SRRM2: variants seen among roughly 807,000 people sequenced by gnomAD.
SRRM2 encodes serine/arginine repetitive matrix protein 2.
In SRRM2, 30 loss-of-function variants were observed where a neutral mutation model predicts 213.8. That is an observed-to-expected ratio of 0.14 (90% confidence interval 0.10 to 0.19). The LOEUF (loss-of-function observed/expected upper bound fraction) is 0.19. Among genes scored for constraint, SRRM2 ranks in the 10% least tolerant of loss-of-function variants. The probability of loss-of-function intolerance (pLI) is 1.00; values close to 1 mark genes in which losing one functional copy is unlikely to be tolerated. For missense variants in SRRM2, 4,904 were observed against 3,647.0 expected (o/e 1.34, Z -8.88); for synonymous variants, 2,025 against 1,377.7 (o/e 1.47, Z -10.40).
Position 2,764,359 on chromosome 16 carries a change from G to C in SRRM2, c.3831G>C (p.Arg1277Ser). 6.2e-7 allele frequency: 1 copy of C among 1,614,124 alleles called. No individual in the cohort carries two copies. Among genetic ancestry groups the C allele is most frequent in the South Asian group, 1.1e-5 (1 of 91,068 alleles). ...AATCATCTCCTGAAGTAGAAGAAAGGCCTGCTGTGTCTTTGACTCTTGATC... is the reference window on the plus strand; with the variant it reads ...AATCATCTCCTGAAGTAGAAGAAAGCCCTGCTGTGTCTTTGACTCTTGATC... ...NFESSPEVEE[R>S]PAVSLTLDQS... Residue 1277 changes from arginine to serine, a missense_variant, in exon 11 of 15, where the codon AGG becomes AGC. Arg to Ser is a moderately radical substitution (Grantham distance 110). Coordinates refer to ENST00000301740, the MANE Select transcript of SRRM2 (RefSeq NM_016333.4).
intron 1 of SRRM2, among the ~76,000 whole-genome samples, chr16:2,753,170 C>T (rs1482623000): frequency 2.6e-5 from 4 of 151,500 alleles, no homozygotes; most frequent in East Asian, 2.0e-4. Flanking sequence ...CCGAGGTGGC[C>T]TTCCTGCAGC....
chr16:2,761,709 C>T lies in SRRM2; in HGVS notation c.1181C>T (p.Pro394Leu), dbSNP rs763985969. 6 of 1,605,874 alleles carry T rather than the reference C, an allele frequency of 3.7e-6. No homozygotes were observed. The highest frequency in any genetic ancestry group is 3.4e-5 in the Admixed American group (2 of 59,002). Residue 394 changes from proline (P) to leucine (L), a missense_variant, in exon 11 of 15, where the codon CCA (proline) becomes CTA (leucine). Transcript: ENST00000301740. ...TPLSQEPVNP[P>L]SEASPTRDRS... is the part of the protein sequence containing the mutation. ...TTAAGCCAGGAGCCAGTGAACCCCC[C>T]ATCTGAGGCCTCTCCAACTCGGGAC...
Position 2,762,445 on chromosome 16 carries a change from A to C in SRRM2, c.1917A>C (p.Ser639=), listed in dbSNP as rs1190712696. 3.1e-6 allele frequency: 5 copies of C among 1,613,350 alleles called. No individual in the cohort carries two copies. Among genetic ancestry groups the C allele is most frequent in the Non-Finnish European group, 4.2e-6 (5 of 1,179,868 alleles). ...SPVRRRSRSR[S]PARRSGRSRS... is the part of the protein sequence containing the mutation. The stretch of plus-strand genomic sequence containing the variant: ...TACGACGCAGGTCTCGTAGTAGATC[A>C]CCAGCCAGGAGAAGTGGCAGGTCAC... Residue 639 remains serine (S), a synonymous_variant, in exon 11 of 15, where the codon TCA becomes TCC. Transcript: ENST00000301740.
chr16:2,763,931 C>G lies in SRRM2; in HGVS notation c.3403C>G (p.Gln1135Glu). The change falls in exon 11 of 15, where the codon CAG becomes GAG. Residue 1135 changes from glutamine to glutamate, a missense_variant. Gln to Glu is a conservative substitution (Grantham distance 29, BLOSUM62 2). Transcript: ENST00000301740. ...GTTGAAATCTGGAATGTCTCCTGAG[C>G]AGAGCAGGTTCCAGTCTGACTCTTC... ...PMLKSGMSPE[Q>E]SRFQSDSSSY... The G allele has an allele frequency of 6.2e-7, 1 of 1,614,182 alleles. No individual in the cohort carries two copies. The highest frequency in any genetic ancestry group is 8.5e-7 in the Non-Finnish European group (1 of 1,180,042).
rs1417093794 is a variant in SRRM2, at chr16:2,762,518, G to A, written c.1990G>A (p.Ala664Thr). 1.2e-6 allele frequency: 2 copies of A among 1,613,248 alleles called. No homozygotes were observed. Among genetic ancestry groups the A allele is most frequent in the Admixed American group, 3.3e-5 (2 of 59,972 alleles). ...TGGCCGCTCACGCTCCAGAACCCCAGCCAGACGTGGCCGCTCACGCTCTAG... is the reference window on the plus strand; with the variant it reads ...TGGCCGCTCACGCTCCAGAACCCCAACCAGACGTGGCCGCTCACGCTCTAG... ...RRGRSRSRTP[A>T]RRGRSRSRTP... is the part of the protein sequence containing the mutation. The change falls in exon 11 of 15, where the codon GCC (alanine) becomes ACC (threonine). Residue 664 changes from alanine to threonine, a missense_variant. Coordinates refer to ENST00000301740, the MANE Select transcript of SRRM2 (RefSeq NM_016333.4).
chr16:2,758,448 G>C (rs764733165), intron 4 of SRRM2, 22 bp from the exon 5 acceptor site: 2 of 1,600,154 alleles, frequency 1.2e-6, no homozygotes, highest in Non-Finnish European at 8.6e-7. Context: ...ACCCATCTCT[G>C]CTGCTTTTCA....
intron 1 of SRRM2, among the ~76,000 whole-genome samples, chr16:2,754,247 C>T (rs143623736): frequency 2.6e-5 from 4 of 151,996 alleles, no homozygotes; most frequent in African/African-American, 9.6e-5. Context: ...TAAAAGTTCT[C>T]CGAAACATTG....
chr16:2,771,142 C>T lies in SRRM2; in HGVS notation c.*275C>T, dbSNP rs972880083. 8 of 622,342 alleles carry T rather than the reference C, an allele frequency of 1.3e-5. No individual in the cohort carries two copies. Among genetic ancestry groups the T allele is most frequent in the Admixed American group, 2.9e-5 (1 of 34,216 alleles). 38.6% of individuals were successfully genotyped at this position (622,342 alleles called of 1,614,324 possible). ...GGAGGGGAGGATACAGTTCAGGATACCCCAGCCTGGAGTCAGGGCCAGGGA... is the reference window on the plus strand; with the variant it reads ...GGAGGGGAGGATACAGTTCAGGATATCCCAGCCTGGAGTCAGGGCCAGGGA... On this transcript the variant is annotated 3_prime_UTR_variant, in exon 15 of 15. Coordinates refer to ENST00000301740, the MANE Select transcript of SRRM2 (RefSeq NM_016333.4).
In SRRM2 at chr16:2,769,108, C is replaced by G. The variant is rs149795306; in HGVS notation, c.7845C>G (p.Ser2615=). 2.0e-5 allele frequency: 32 copies of G among 1,613,880 alleles called. No individual in the cohort carries two copies. In the African/African-American group the frequency reaches 3.6e-4, roughly 18 times the overall value. ...RRSSSSSSSS[S]SSSSSSSSSS... ...CTAGCAGTTCCAGTTCCAGCTCCTC[C>G]TCTTCATCTTCCTCCTCCTCCTCCT... Residue 2615 remains serine (S), a synonymous_variant, in exon 12 of 15, where the codon TCC becomes TCG. Transcript: ENST00000301740.
chr16:2,770,056 GCA>G (rs1567249867), intron 12 of SRRM2: 1 of 1,102,162 alleles, frequency 9.1e-7, no homozygotes, highest in Non-Finnish European at 1.2e-6. Flanking sequence ...CCAGAGCCAC[GCA>G]CATCCAGCCC....
chr16:2,763,626 T>C lies in SRRM2; in HGVS notation c.3098T>C (p.Leu1033Pro), dbSNP rs897057698. 1.2e-5 allele frequency: 20 copies of C among 1,613,974 alleles called. No homozygotes were observed. The highest frequency in any genetic ancestry group is 1.7e-5 in the Admixed American group (1 of 60,000). The part of the protein sequence containing the change: ...DSLVQSCPGS[L>P]SLCAGVKSST... ...CTAGTTCAAAGTTGCCCTGGATCCCTCTCTCTCTGTGCAGGAGTAAAATCT... is the reference window on the plus strand; with the variant it reads ...CTAGTTCAAAGTTGCCCTGGATCCCCCTCTCTCTGTGCAGGAGTAAAATCT... The change falls in exon 11 of 15, where the codon CTC (leucine) becomes CCC (proline). Residue 1033 changes from leucine (L) to proline (P), a missense_variant. Coordinates refer to ENST00000301740, the MANE Select transcript of SRRM2 (RefSeq NM_016333.4).
At position 2,763,778 on chromosome 16, in the gene SRRM2, C is replaced by T. The variant is rs142025685; in HGVS notation, c.3250C>T (p.Pro1084Ser). ...AGTGAGACAGAGTCATTCAGAATCA[C>T]CATCTCTGCAGAGCAAATCTCAAAC... ...PEVRQSHSES[P>S]SLQSKSQTSP... Residue 1084 changes from proline to serine, a missense_variant, in exon 11 of 15, where the codon CCA becomes TCA. By Grantham distance (74) the Pro-to-Ser change is moderately conservative. Transcript: ENST00000301740. 3.3e-5 allele frequency: 54 copies of T among 1,614,058 alleles called. No homozygotes were observed. The highest frequency in any genetic ancestry group is 2.7e-4 in the Admixed American group (16 of 60,010).
In SRRM2 at chr16:2,766,988, G is replaced by A. The variant is rs772154087; in HGVS notation, c.6460G>A (p.Gly2154Ser). The change falls in exon 11 of 15, where the codon GGC (glycine) becomes AGC (serine). Residue 2154 changes from glycine to serine, a missense_variant. Physicochemically the swap from Gly to Ser is moderately conservative, Grantham distance 56. Transcript: ENST00000301740. The surrounding 1 kb of genome is among the most constrained non-coding windows in gnomAD (Gnocchi z 7.0). ...TPMSVLQQAGGSMMDGPGPRI... is the reference protein window; with the variant it reads ...TPMSVLQQAGSSMMDGPGPRI... ...CATGTCTGTCCTGCAGCAAGCCGGC[G>A]GCTCCATGATGGATGGTCCAGGTCC... 19 of 1,614,018 alleles carry A rather than the reference G, an allele frequency of 1.2e-5. No homozygotes were observed. Among genetic ancestry groups the A allele is most frequent in the Middle Eastern group, 1.6e-4 (1 of 6,062 alleles).
intron 9 of SRRM2, 38 bp from the exon 10 acceptor site, chr16:2,760,263 T>G: frequency 6.3e-7 from 1 of 1,595,182 alleles, no homozygotes; most frequent in Non-Finnish European, 8.5e-7. Context: ...TTTGAGCTGA[T>G]TTCCTTCCTC....
intron 12 of SRRM2, chr16:2,769,629 C>T (rs774948410): frequency 2.4e-5 from 14 of 585,400 alleles, no homozygotes; most frequent in Admixed American, 1.7e-4. Flanking sequence ...TGTCCACAGC[C>T]TCCTCCCTGT....
At position 2,756,617 on chromosome 16, in the gene SRRM2, G is replaced by A; in HGVS notation, c.242+11G>A. On this transcript the variant is annotated intron_variant, in intron 2 of 14. Transcript: ENST00000301740. ...GATGGAAGAGCAGGGGTGAGGGAGA[G>A]CTGGGGGAGAGTCAAGCACTGAATG... 1 of 1,607,688 alleles carries A rather than the reference G, an allele frequency of 6.2e-7. No homozygotes were observed. The highest frequency in any genetic ancestry group is 8.5e-7 in the Non-Finnish European group (1 of 1,176,638).
chr16:2,760,140 T>C, intron 9 of SRRM2, 161 bp from the exon 10 acceptor site: 3 of 691,960 alleles, frequency 4.3e-6, no homozygotes, highest in Non-Finnish European at 4.9e-6. Context: ...CAAAGTGGAC[T>C]GTACTTGCAT....
rs746076894 is a variant in SRRM2, at chr16:2,767,829, C to A, written c.7301C>A (p.Ala2434Asp). Residue 2434 changes from alanine (A) to aspartate (D), a missense_variant, in exon 11 of 15, where the codon GCT (alanine) becomes GAT (aspartate). Ala to Asp is a moderately radical substitution (Grantham distance 126). Coordinates refer to ENST00000301740, the MANE Select transcript of SRRM2 (RefSeq NM_016333.4). ...TCCCCTTCCTCTAGAATGGGCCAGGCTCCTTCACAGTCTCTTCTCCCTCCA... is the reference window on the plus strand; with the variant it reads ...TCCCCTTCCTCTAGAATGGGCCAGGATCCTTCACAGTCTCTTCTCCCTCCA... ...APSPSSRMGQAPSQSLLPPAQ... is the reference protein window; with the variant it reads ...APSPSSRMGQDPSQSLLPPAQ... 1 of 1,614,078 alleles carries A rather than the reference C, an allele frequency of 6.2e-7. No individual in the cohort carries two copies. The highest frequency in any genetic ancestry group is 8.5e-7 in the Non-Finnish European group (1 of 1,179,990).
rs76786072 is a variant in SRRM2, at chr16:2,759,445, G to A, written c.740+43G>A. The stretch of plus-strand genomic sequence containing the variant: ...GAATTTGCTTAGGAAGTAAGTGAAC[G>A]CCACCTTAGTGGGAGGGAGTTGAAT... On this transcript the variant is annotated intron_variant, in intron 8 of 14. Coordinates refer to ENST00000301740, the MANE Select transcript of SRRM2 (RefSeq NM_016333.4). 5.1e-3 allele frequency: 8,120 copies of A among 1,595,278 alleles called. 34 individuals carry two copies. Among genetic ancestry groups the A allele is most frequent in the Middle Eastern group, 0.023 (137 of 5,958 alleles).
Sources: gnomAD v4.1 joint callset for allele counts (sites outside exome capture counted in the v4.1 genomes callset) on GRCh38, gnomAD v4.1.1 for gene constraint, Gnocchi (gnomAD v3.1) non-coding constraint, MANE v1.5 for transcripts, NCBI Gene and HGNC (gene_info 2026-07-23, HGNC 2026-07-21) for gene names.